Variants in NLGN1 observed in about 807,000 individuals in gnomAD.
The protein encoded by NLGN1 is neuroligin 1, also known as neuroligin-1.
In NLGN1, 12 loss-of-function variants were observed where a neutral mutation model predicts 65.5. The observed-to-expected ratio is 0.18, with a 90% confidence interval of 0.12 to 0.30. The LOEUF is 0.30. NLGN1 is among the 10% of genes least tolerant of loss of function. The pLI is 1.00. For missense variants in NLGN1, 750 were observed against 1,007.1 expected (o/e 0.74, Z 3.46); for synonymous variants, 350 against 359.5 (o/e 0.97, Z 0.30).
At chr3:174,142,945 C>G (rs1372369003) in intron 4 of NLGN1, among the ~76,000 whole-genome samples, 1 of 152,088 alleles carries the variant, frequency 6.6e-6, no homozygotes, top group African/African-American at 2.4e-5. Context: ...AGGAAACTTA[C>G]AATCATGGTG....
intron 3 of NLGN1, among the ~76,000 whole-genome samples, chr3:173,775,068 A>C (rs4894628): frequency 0.11 from 15,980 of 152,164 alleles, 925 homozygotes; most frequent in African/African-American, 0.16. Context: ...TCAATAAAAT[A>C]GTTTTTTATT....
At chr3:173,901,771 A>G (rs73035447) in intron 4 of NLGN1, among the ~76,000 whole-genome samples, 5,715 of 152,098 alleles carry the variant, frequency 0.038, 213 homozygotes, top group African/African-American at 0.094. Flanking sequence ...AATGCTGTTG[A>G]ATTTTATTGA....
intron 4 of NLGN1, among the ~76,000 whole-genome samples, chr3:174,123,354 T>C (rs111436550): frequency 0.067 from 10,143 of 152,152 alleles, 468 homozygotes; most frequent in African/African-American, 0.12. Context: ...GTCAAAGATT[T>C]CTGCCTGGGA....
At chr3:173,944,374 A>T (rs1188737346) in intron 4 of NLGN1, among the ~76,000 whole-genome samples, 1 of 152,172 alleles carries the variant, frequency 6.6e-6, no homozygotes, top group Admixed American at 6.6e-5. Flanking sequence ...CTTTGTTTAC[A>T]TGGGCAACAT....
intron 3 of NLGN1, among the ~76,000 whole-genome samples, chr3:173,802,788 C>G (rs11915141): frequency 0.045 from 6,897 of 151,882 alleles, 386 homozygotes; most frequent in East Asian, 0.18. Context: ...CACTGAATTG[C>G]AAGGCCACTG....
In NLGN1 at chr3:173,904,509, G is replaced by T. The variant is rs865799299; in HGVS notation, c.646+96677G>T. Reference sequence around the variant, plus strand: ...TTTTGCTTATATGTGAAGATAAAGGGTTTTTTTTTTTTCATTTAGTTTCAA... The same window carrying T: ...TTTTGCTTATATGTGAAGATAAAGGTTTTTTTTTTTTTCATTTAGTTTCAA... On this transcript the variant is annotated intron_variant, in intron 4 of 6. Coordinates refer to ENST00000457714, the Ensembl canonical transcript of NLGN1. Among the ~76,000 whole-genome samples, 303 of 141,954 alleles carry T rather than the reference G, an allele frequency of 2.1e-3. 3 individuals carry two copies. The highest frequency in any genetic ancestry group is 7.3e-3 in the African/African-American group (282 of 38,780). 93.1% of individuals were successfully genotyped at this position (141,954 alleles called of 152,430 possible). A position where few individuals can be genotyped will look rare whatever the true frequency, so the allele number is the denominator to read the frequency against.
intron 4 of NLGN1, among the ~76,000 whole-genome samples, chr3:174,152,484 C>A (rs1030168070): frequency 5.3e-5 from 8 of 151,734 alleles, no homozygotes; most frequent in Non-Finnish European, 1.2e-4. Context: ...CATCACACAC[C>A]AGGGCGTGTT....
At chr3:173,864,405 C>T (rs1008116048) in intron 4 of NLGN1, among the ~76,000 whole-genome samples, 4 of 151,982 alleles carry the variant, frequency 2.6e-5, no homozygotes, top group African/African-American at 7.3e-5. Context: ...ATTTCTTTCC[C>T]GTAAAGCAAA....
intron 4 of NLGN1, among the ~76,000 whole-genome samples, chr3:174,011,838 A>G (rs1013801681): frequency 2.7e-5 from 4 of 150,408 alleles, no homozygotes; most frequent in Non-Finnish European, 5.9e-5. Flanking sequence ...ACAAAACCTA[A>G]GAAAAAACCT....
chr3:174,215,488 A>C (rs939967003), intron 4 of NLGN1, among the ~76,000 whole-genome samples: 1 of 152,168 alleles, frequency 6.6e-6, no homozygotes, highest in South Asian at 2.1e-4. Flanking sequence ...CTGAAACTTT[A>C]GGGACTATTT....
rs559069342 is a variant in NLGN1, at chr3:173,903,592, G to A, written c.646+95760G>A. Among the ~76,000 whole-genome samples, 359 of 152,240 alleles carry A rather than the reference G, an allele frequency of 2.4e-3. 1 individual carries two copies. Among genetic ancestry groups the A allele is most frequent in the Non-Finnish European group, 4.4e-3 (296 of 68,010 alleles). On this transcript the variant is annotated intron_variant, in intron 4 of 6. Transcript: ENST00000457714. ...GATGGAAGCTGCAGATTGGGAAGAA[G>A]TGATTAAACAGTGAGAATAATCTAT...
intron 4 of NLGN1, among the ~76,000 whole-genome samples, chr3:174,238,252 C>T (rs965663136): frequency 1.3e-5 from 2 of 152,122 alleles, no homozygotes; most frequent in African/African-American, 2.4e-5. Context: ...ATGTCTTCCT[C>T]TGGAATGTGT....
intron 3 of NLGN1, among the ~76,000 whole-genome samples, chr3:173,782,467 T>C (rs1488761223): frequency 2.6e-5 from 4 of 152,230 alleles, no homozygotes; most frequent in Non-Finnish European, 5.9e-5. Flanking sequence ...GGTGAACTGA[T>C]AGTATGCTAG....
chr3:174,148,279 C>G (rs1577095948), intron 4 of NLGN1, among the ~76,000 whole-genome samples: 1 of 152,084 alleles, frequency 6.6e-6, no homozygotes. Context: ...TTAGATTACA[C>G]GTAAAAGGGG....
intron 3 of NLGN1, among the ~76,000 whole-genome samples, chr3:173,660,750 A>G (rs1288517543): frequency 6.6e-6 from 1 of 151,982 alleles, no homozygotes; most frequent in African/African-American, 2.4e-5. Context: ...AAAAATGAGC[A>G]CCAAAATATA....
chr3:173,849,028 A>G (rs1007671405), intron 4 of NLGN1, among the ~76,000 whole-genome samples: 11 of 152,234 alleles, frequency 7.2e-5, no homozygotes, highest in African/African-American at 2.6e-4. Flanking sequence ...AAAATCCATC[A>G]GATATGTAGG....
At chr3:173,690,435 C>G (rs575769904) in intron 3 of NLGN1, among the ~76,000 whole-genome samples, 3 of 152,120 alleles carry the variant, frequency 2.0e-5, no homozygotes, top group African/African-American at 7.2e-5. Context: ...AAGCTGTCAG[C>G]TCTTGCTATT....
At chr3:174,064,185 A>G (rs1203001495) in intron 4 of NLGN1, among the ~76,000 whole-genome samples, 1 of 152,122 alleles carries the variant, frequency 6.6e-6, no homozygotes, top group Non-Finnish European at 1.5e-5. Flanking sequence ...AATAAAAAAA[A>G]GAAAAAAACA....
chr3:174,095,770 C>T (rs942986510), intron 4 of NLGN1, among the ~76,000 whole-genome samples: 1 of 151,858 alleles, frequency 6.6e-6, no homozygotes, highest in Non-Finnish European at 1.5e-5. Context: ...GTGGCTGAGG[C>T]CGGTGGATCA....
Sources: gnomAD v4.1 joint callset for allele counts (sites outside exome capture counted in the v4.1 genomes callset) on GRCh38, gnomAD v4.1.1 for gene constraint, MANE v1.5 for transcripts, NCBI Gene and HGNC (gene_info 2026-07-23, HGNC 2026-07-21) for gene names.